Variants in ULK4 observed in about 807,000 individuals in gnomAD.
ULK4 encodes the protein inactive serine/threonine-protein kinase ULK4.
Under a neutral mutation model 160.6 loss-of-function variants are expected in ULK4, and 133 were observed. That is an observed-to-expected ratio of 0.83 (90% confidence interval 0.72 to 0.96). The LOEUF (loss-of-function observed/expected upper bound fraction) is 0.96, where lower values mean the gene tolerates loss of function less well. ULK4 is among the 40% of genes least tolerant of loss of function. ULK4 has a pLI of 0.00. For synonymous variants in ULK4, 534 were observed against 539.8 expected, an observed-to-expected ratio of 0.99 and a Z score of 0.15; for missense variants, 1,580 against 1,499.5, an observed-to-expected ratio of 1.05 and a Z score of -0.89.
intron 32 of ULK4, among the ~76,000 whole-genome samples, chr3:41,479,782 C>T (rs1047123732): frequency 4.6e-5 from 7 of 152,084 alleles, no homozygotes; most frequent in Admixed American, 2.6e-4. Context: ...TACAATATGG[C>T]AACAATTTCT....
At chr3:41,864,346 CTGTTT>C (rs10535539) in intron 17 of ULK4, among the ~76,000 whole-genome samples, 38,353 of 149,556 alleles carry the variant, frequency 0.26, 5,322 homozygotes, top group Admixed American at 0.39. Context: ...CAATTCAGAA[CTGTTT>C]TGTTTTGTTT....
chr3:41,539,003 T>C (rs11709955), intron 32 of ULK4, among the ~76,000 whole-genome samples: 67,195 of 149,862 alleles, frequency 0.45, 15,765 homozygotes, highest in Middle Eastern at 0.53. Context: ...TATGGACATA[T>C]ATTTTATGCT....
chr3:41,373,240 T>G (rs950795765), intron 35 of ULK4, among the ~76,000 whole-genome samples: 10 of 151,830 alleles, frequency 6.6e-5, no homozygotes, highest in Non-Finnish European at 1.5e-5. Context: ...AAACAGAAAA[T>G]TAATAAGAAT....
chr3:41,272,865 C>A (rs1049180412), intron 35 of ULK4, among the ~76,000 whole-genome samples: 1 of 152,142 alleles, frequency 6.6e-6, no homozygotes, highest in Non-Finnish European at 1.5e-5. Context: ...ACTGTTAATA[C>A]CATCCCATGT....
intron 17 of ULK4, among the ~76,000 whole-genome samples, chr3:41,873,010 G>T (rs1395062952): frequency 6.6e-6 from 1 of 152,002 alleles, no homozygotes; most frequent in Admixed American, 6.6e-5. Flanking sequence ...AAAATAAGCC[G>T]AGTATGGTGG....
intron 19 of ULK4, among the ~76,000 whole-genome samples, chr3:41,803,932 G>A (rs1407667032): frequency 1.3e-5 from 2 of 152,134 alleles, no homozygotes; most frequent in Non-Finnish European, 2.9e-5. Context: ...TGTGAATAGT[G>A]CCACAATAAA....
At chr3:41,644,068 C>T (rs975048911) in intron 30 of ULK4, among the ~76,000 whole-genome samples, 15 of 152,226 alleles carry the variant, frequency 9.9e-5, no homozygotes, top group African/African-American at 3.4e-4. Context: ...GCTGAAGTTG[C>T]TTATCAGCTT....
intron 32 of ULK4, among the ~76,000 whole-genome samples, chr3:41,486,652 T>C (rs1438035495): frequency 6.6e-6 from 1 of 152,170 alleles, no homozygotes; most frequent in African/African-American, 2.4e-5. Context: ...CTATAGTTGG[T>C]CCTGAGTTGG....
At chr3:41,684,624 C>G (rs79165747) in intron 27 of ULK4, among the ~76,000 whole-genome samples, 3 of 152,160 alleles carry the variant, frequency 2.0e-5, no homozygotes, top group African/African-American at 7.2e-5. Context: ...CTTAAAAGGT[C>G]CCACCCCAAG....
At chr3:41,911,685 T>C in intron 9 of ULK4, 26 bp from the exon 10 acceptor site, 1 of 1,553,742 alleles carries the variant, frequency 6.4e-7, no homozygotes. Context: ...ACCAACACAA[T>C]CAAACTTACT....
Position 41,716,603 on chromosome 3 carries a change from G to A in ULK4, c.2456-1035C>T, listed in dbSNP as rs148272006. Among the ~76,000 whole-genome samples the A allele has an allele frequency of 3.4e-3, 512 of 152,252 alleles. 1 individual carries two copies. Among genetic ancestry groups the A allele is most frequent in the African/African-American group, 0.012 (487 of 41,554 alleles). ...AAAGTTGCTGTCAGTTAGCCTTGAAGACATTTTCATTACTTTGATTTAATG... is the reference window on the plus strand; with the variant it reads ...AAAGTTGCTGTCAGTTAGCCTTGAAAACATTTTCATTACTTTGATTTAATG... On this transcript the variant is annotated intron_variant, in intron 23 of 36. Coordinates refer to ENST00000301831, the MANE Select transcript of ULK4 (RefSeq NM_017886.4).
At position 41,681,602 on chromosome 3, in the gene ULK4, G is replaced by A. The variant is rs1352317718; in HGVS notation, c.2884C>T (p.Leu962Phe). 5.6e-6 allele frequency: 9 copies of A among 1,613,826 alleles called. No individual in the cohort carries two copies. The highest frequency in any genetic ancestry group is 3.3e-4 in the Middle Eastern group (2 of 6,082). Residue 962 changes from leucine to phenylalanine, a missense_variant, in exon 29 of 37, where the codon CTC (leucine) becomes TTC (phenylalanine). Physicochemically the swap from Leu to Phe is conservative, Grantham distance 22. Coordinates refer to ENST00000301831, the MANE Select transcript of ULK4 (RefSeq NM_017886.4). ...CCATCCCCAAACTCCTGGTTCACGAGTAGAGATGTGGTTTCTGAGAGCAAC... is the reference window on the plus strand; with the variant it reads ...CCATCCCCAAACTCCTGGTTCACGAATAGAGATGTGGTTTCTGAGAGCAAC... ...LRLLSETTSL[L>F]VNQEFGDGKE...
intron 34 of ULK4, among the ~76,000 whole-genome samples, chr3:41,426,569 C>T (rs1447555011): frequency 2.0e-5 from 3 of 152,188 alleles, no homozygotes; most frequent in African/African-American, 7.2e-5. Context: ...ACACCAGTCT[C>T]TCTGACCACA....
At chr3:41,876,866 T>C (rs974592942) in intron 17 of ULK4, among the ~76,000 whole-genome samples, 8 of 152,260 alleles carry the variant, frequency 5.3e-5, no homozygotes, top group African/African-American at 1.9e-4. Context: ...GAGAGAACAG[T>C]GATCAGGAGA....
chr3:41,792,586 T>C (rs1023500648), intron 20 of ULK4, among the ~76,000 whole-genome samples: 4 of 152,192 alleles, frequency 2.6e-5, no homozygotes, highest in Admixed American at 2.6e-4. Flanking sequence ...CCTATCCAGT[T>C]ATGATGGGGA....
chr3:41,583,080 G>T (rs1250163567), intron 31 of ULK4, among the ~76,000 whole-genome samples: 2 of 152,192 alleles, frequency 1.3e-5, no homozygotes, highest in Non-Finnish European at 2.9e-5. Flanking sequence ...CAGCAGAAAT[G>T]AAAGAACAGA....
intron 32 of ULK4, among the ~76,000 whole-genome samples, chr3:41,550,476 A>G (rs921280477): frequency 2.6e-5 from 4 of 152,048 alleles, no homozygotes; most frequent in Admixed American, 1.3e-4. Flanking sequence ...AAAGCAAGCA[A>G]AAGTAGCTAC....
chr3:41,768,836 T>A (rs917235460), intron 21 of ULK4, among the ~76,000 whole-genome samples: 23 of 152,140 alleles, frequency 1.5e-4, no homozygotes, highest in Admixed American at 1.5e-3. Flanking sequence ...GCAATAGACA[T>A]AATTTGAAAA....
chr3:41,875,713 T>A (rs1697273212), intron 17 of ULK4, among the ~76,000 whole-genome samples: 1 of 99,004 alleles, frequency 1.0e-5, no homozygotes, highest in African/African-American at 4.1e-5. Flanking sequence ...TTCCTGAATG[T>A]TTTTTTTTAG....
Sources: gnomAD v4.1 joint callset for allele counts (sites outside exome capture counted in the v4.1 genomes callset) on GRCh38, gnomAD v4.1.1 for gene constraint, MANE v1.5 for transcripts, NCBI Gene and HGNC (gene_info 2026-07-23, HGNC 2026-07-21) for gene names.